Variants in CNTNAP2 observed in about 807,000 individuals in gnomAD.
CNTNAP2 encodes contactin-associated protein-like 2.
A neutral mutation model predicts 155.2 loss-of-function variants in CNTNAP2; 98 were observed. The ratio of observed to expected loss-of-function variants is 0.63; its 90% CI spans 0.54 to 0.75. CNTNAP2 has a LOEUF of 0.75. Ranked by LOEUF, CNTNAP2 falls within the 30% of genes least tolerant of loss-of-function variation. CNTNAP2 has a pLI of 0.00. For missense variants in CNTNAP2, 1,727 were observed against 1,688.1 expected, an observed-to-expected ratio of 1.02 and a Z score of -0.40; for synonymous variants, 651 against 631.2, an observed-to-expected ratio of 1.03 and a Z score of -0.47.
intron 13 of CNTNAP2, among the ~76,000 whole-genome samples, chr7:147,749,961 A>C (rs934197901): frequency 3.3e-5 from 5 of 152,244 alleles, no homozygotes; most frequent in African/African-American, 4.8e-5. Context: ...TATCAATGAG[A>C]TCTTTATAGT....
chr7:147,710,984 G>A (rs1017491478), intron 13 of CNTNAP2, among the ~76,000 whole-genome samples: 4 of 152,168 alleles, frequency 2.6e-5, no homozygotes, highest in East Asian at 1.9e-4. Context: ...ACTCGAAGCT[G>A]TTGTAGGGTT....
intron 1 of CNTNAP2, among the ~76,000 whole-genome samples, chr7:146,176,978 T>G (rs1401422886): frequency 2.0e-5 from 3 of 152,140 alleles, no homozygotes; most frequent in Non-Finnish European, 4.4e-5. Context: ...AATAGTTGCT[T>G]TGAATAGAGA....
chr7:146,623,504 T>G (rs1168370312), intron 1 of CNTNAP2, among the ~76,000 whole-genome samples: 1 of 152,198 alleles, frequency 6.6e-6, no homozygotes, highest in African/African-American at 2.4e-5. Context: ...GAATGTCATA[T>G]AAATATAATG....
intron 1 of CNTNAP2, among the ~76,000 whole-genome samples, chr7:146,294,488 C>A (rs1449134398): frequency 6.6e-6 from 1 of 152,150 alleles, no homozygotes; most frequent in Non-Finnish European, 1.5e-5. Context: ...CTTATGCAAA[C>A]CTTGTGTGGT....
At chr7:147,304,632 A>G (rs1794995633) in intron 9 of CNTNAP2, among the ~76,000 whole-genome samples, 1 of 152,168 alleles carries the variant, frequency 6.6e-6, no homozygotes, top group Non-Finnish European at 1.5e-5. Flanking sequence ...GGTCTTAGGA[A>G]GGTACCAAAG....
intron 1 of CNTNAP2, among the ~76,000 whole-genome samples, chr7:146,459,371 C>A (rs1021273331): frequency 1.1e-4 from 16 of 152,124 alleles, no homozygotes; most frequent in Non-Finnish European, 4.4e-5. Context: ...GTATTACCAC[C>A]TCACTCCCTC....
intron 1 of CNTNAP2, among the ~76,000 whole-genome samples, chr7:146,223,840 G>T (rs936457536): frequency 6.6e-6 from 1 of 152,302 alleles, no homozygotes; most frequent in East Asian, 1.9e-4. Context: ...ACCAAGTGGT[G>T]AGAAATAGTT....
chr7:147,869,770 G>A (rs2888536), intron 13 of CNTNAP2, among the ~76,000 whole-genome samples: 107,041 of 152,012 alleles, frequency 0.7, 37,895 homozygotes, highest in Middle Eastern at 0.8. Context: ...GTAAAACATA[G>A]ATTGCAGATA....
At chr7:148,181,741 CTTTTTTTTTTTTTTT>C (rs71527884) in intron 18 of CNTNAP2, among the ~76,000 whole-genome samples, 9 of 48,648 alleles carry the variant, frequency 1.9e-4, no homozygotes, top group Non-Finnish European at 2.0e-4. Flanking sequence ...AGTGTGTGCC[CTTTTTTTTTTTTTTT>C]TTTTTTTTTT....
intron 8 of CNTNAP2, among the ~76,000 whole-genome samples, chr7:147,278,625 A>G (rs1804956933): frequency 6.6e-6 from 1 of 151,756 alleles, no homozygotes; most frequent in South Asian, 2.1e-4. Context: ...CATTTTTAAA[A>G]GATTCACAGT....
chr7:146,996,841 G>C (rs1238092571), intron 3 of CNTNAP2, among the ~76,000 whole-genome samples: 1 of 152,052 alleles, frequency 6.6e-6, no homozygotes, highest in Non-Finnish European at 1.5e-5. Context: ...ACTTGTTGTG[G>C]GAGGGACCCC....
At chr7:146,243,884 A>G (rs1331153169) in intron 1 of CNTNAP2, among the ~76,000 whole-genome samples, 1 of 152,122 alleles carries the variant, frequency 6.6e-6, no homozygotes, top group Non-Finnish European at 1.5e-5. Context: ...GGACAGCGAA[A>G]ATTTTTGGAG....
chr7:147,082,525 T>G (rs574840812), intron 4 of CNTNAP2: 29 of 152,314 alleles, frequency 1.9e-4, no homozygotes, highest in African/African-American at 6.0e-4. Flanking sequence ...TTTGTATCAC[T>G]AAAGTAAAGC....
chr7:147,339,210 T>C (rs1795715020), intron 9 of CNTNAP2, among the ~76,000 whole-genome samples: 1 of 152,110 alleles, frequency 6.6e-6, no homozygotes, highest in Non-Finnish European at 1.5e-5. Context: ...AAAAATGATA[T>C]TAAAATTTAA....
chr7:147,873,560 C>A lies in CNTNAP2; in HGVS notation c.2099-30005C>A, dbSNP rs181316526. Among the ~76,000 whole-genome samples the A allele has an allele frequency of 2.6e-5, 4 of 152,280 alleles. No individual in the cohort carries two copies. In the East Asian group the frequency reaches 7.7e-4, roughly 29 times the overall value. On this transcript the variant is annotated intron_variant, in intron 13 of 23. Transcript: ENST00000361727. ...AAACCCACCCCCATGATTTAATTAG[C>A]TCCCACAGGGTCCCTCCCACAACAC...
At chr7:147,641,524 G>C (rs71530789) in intron 13 of CNTNAP2, among the ~76,000 whole-genome samples, 21,909 of 152,134 alleles carry the variant, frequency 0.14, 1,679 homozygotes, top group South Asian at 0.21. Context: ...TGGTGCTTGA[G>C]AATTTGCATT....
chr7:146,170,706 CAA>C (rs1371351854), intron 1 of CNTNAP2, among the ~76,000 whole-genome samples: 1 of 152,020 alleles, frequency 6.6e-6, no homozygotes, highest in Non-Finnish European at 1.5e-5. Context: ...AACTAACTGA[CAA>C]GAGAGAATTT....
chr7:147,861,464 A>G (rs1488797735), intron 13 of CNTNAP2, among the ~76,000 whole-genome samples: 3 of 152,222 alleles, frequency 2.0e-5, no homozygotes, highest in African/African-American at 4.8e-5. Context: ...ACAGGCATCC[A>G]ACACATCCAT....
chr7:146,563,921 G>C (rs1486795948), intron 1 of CNTNAP2, among the ~76,000 whole-genome samples: 3 of 152,058 alleles, frequency 2.0e-5, no homozygotes, highest in Non-Finnish European at 4.4e-5. Flanking sequence ...GATACTACCT[G>C]GTGATCTTGC....
Sources: gnomAD v4.1 joint callset for allele counts (sites outside exome capture counted in the v4.1 genomes callset) on GRCh38, gnomAD v4.1.1 for gene constraint, MANE v1.5 for transcripts, NCBI Gene and HGNC (gene_info 2026-07-23, HGNC 2026-07-21) for gene names.